ZFR: variants seen among roughly 807,000 people sequenced by gnomAD.
ZFR encodes the protein zinc finger RNA binding protein, also known as zinc finger RNA-binding protein.
A neutral mutation model predicts 130.7 loss-of-function variants in ZFR; 19 were observed. The ratio of observed to expected loss-of-function variants is 0.15; its 90% CI spans 0.10 to 0.21. ZFR has a LOEUF of 0.21. ZFR is among the 10% of genes least tolerant of loss of function. ZFR has a pLI of 1.00. For synonymous variants in ZFR, 466 were observed against 456.9 expected (o/e 1.02, Z -0.25); for missense variants, 872 against 1,321.5 (o/e 0.66, Z 5.27).
chr5:32,415,523 C>T (rs76538435), intron 4 of ZFR, among the ~76,000 whole-genome samples: 3,427 of 132,020 alleles, frequency 0.026, 66 homozygotes, highest in African/African-American at 0.051. Flanking sequence ...TGTGCGCGCG[C>T]GCGCGCGCGC....
At chr5:32,409,068 A>T (rs1753643560) in intron 5 of ZFR, among the ~76,000 whole-genome samples, 1 of 152,176 alleles carries the variant, frequency 6.6e-6, no homozygotes, top group East Asian at 1.9e-4. Flanking sequence ...GAGACCAAAA[A>T]GTTTAATTCT....
At position 32,397,290 on chromosome 5, in the gene ZFR, C is replaced by T; in HGVS notation, c.1762G>A (p.Glu588Lys). Reference sequence around the variant, plus strand: ...GCATTGGGATCATTAAAGCTGCACTCGCATAATTTACAATGGAACCGAATT... The same window carrying T: ...GCATTGGGATCATTAAAGCTGCACTTGCATAATTTACAATGGAACCGAATT... ...KVIRFHCKLCECSFNDPNAKE... is the reference protein window; with the variant it reads ...KVIRFHCKLCKCSFNDPNAKE... Residue 588 changes from glutamate (E) to lysine (K), a missense_variant, in exon 10 of 20, where the codon GAG (glutamate) becomes AAG (lysine). This residue lies in a region of ZFR where 54 missense variants were observed against 119.9 expected (regional missense o/e 0.45). Coordinates refer to ENST00000265069, the MANE Select transcript of ZFR (RefSeq NM_016107.5). 6.2e-7 allele frequency: 1 copy of T among 1,613,354 alleles called. No individual in the cohort carries two copies. The highest frequency in any genetic ancestry group is 8.5e-7 in the Non-Finnish European group (1 of 1,179,662).
At chr5:32,383,753 A>G (rs1414769230) in intron 15 of ZFR, 1 of 456,734 alleles carries the variant, frequency 2.2e-6, no homozygotes, top group Admixed American at 2.3e-5. Context: ...GTGAGAGAGA[A>G]TACATACCGT....
chr5:32,416,446 C>G (rs573793908), intron 4 of ZFR, among the ~76,000 whole-genome samples: 2 of 152,000 alleles, frequency 1.3e-5, no homozygotes, highest in Non-Finnish European at 2.9e-5. Context: ...GAAACCCTGT[C>G]TCTACTAAAA....
At chr5:32,387,749 C>A in intron 13 of ZFR, 50 bp from the exon 14 acceptor site, 3 of 1,533,094 alleles carry the variant, frequency 2.0e-6, no homozygotes, top group Non-Finnish European at 2.7e-6. Context: ...TAACCAGAAG[C>A]ATGATATTCT....
rs1414085690 is a variant in ZFR, at chr5:32,355,378, TTAAAA to T, written c.*377_*381del. 1 of 154,732 alleles carries T rather than the reference TTAAAA, an allele frequency of 6.5e-6. No homozygotes were observed. The highest frequency in any genetic ancestry group is 2.4e-5 in the African/African-American group (1 of 41,548). 9.6% of individuals were successfully genotyped at this position (154,732 alleles called of 1,614,324 possible). ...TCAAAAAGCAAACAAAACCTCTAAA[TTAAAA>T]TATCAAAATACACAGAGCAACTGAA... On this transcript the variant is annotated 3_prime_UTR_variant, in exon 20 of 20. Coordinates refer to ENST00000265069, the MANE Select transcript of ZFR (RefSeq NM_016107.5).
intron 11 of ZFR, among the ~76,000 whole-genome samples, chr5:32,392,015 T>C (rs956606995): frequency 1.3e-5 from 2 of 152,182 alleles, no homozygotes; most frequent in Admixed American, 6.5e-5. Context: ...TTACAGGCAG[T>C]GTGTCACCGT....
intron 17 of ZFR, among the ~76,000 whole-genome samples, chr5:32,377,904 C>T (rs1174484582): frequency 1.3e-5 from 2 of 151,776 alleles, no homozygotes; most frequent in African/African-American, 4.8e-5. Flanking sequence ...GTTGGCCAGG[C>T]TGGTCTCGAA....
At chr5:32,388,202 A>G (rs1328942246) in intron 13 of ZFR, among the ~76,000 whole-genome samples, 1 of 152,218 alleles carries the variant, frequency 6.6e-6, no homozygotes, top group Non-Finnish European at 1.5e-5. Flanking sequence ...CTGTAAAACT[A>G]TAATGGCTGC....
chr5:32,404,634 A>C (rs576151611), intron 6 of ZFR, among the ~76,000 whole-genome samples: 4 of 152,270 alleles, frequency 2.6e-5, no homozygotes, highest in African/African-American at 9.6e-5. Flanking sequence ...TTTAAAATAC[A>C]TGAGGGCCAA....
chr5:32,430,413 GCA>G (rs201757309), intron 2 of ZFR, among the ~76,000 whole-genome samples: 136 of 145,138 alleles, frequency 9.4e-4, no homozygotes, highest in African/African-American at 3.6e-3. Flanking sequence ...TACCCAGAAT[GCA>G]CAGAGAGAGA....
At chr5:32,423,557 C>T (rs1561916244) in intron 2 of ZFR, among the ~76,000 whole-genome samples, 1 of 151,438 alleles carries the variant, frequency 6.6e-6, no homozygotes, top group Admixed American at 6.6e-5. Context: ...GAGAAATAGA[C>T]AAGATAAATA....
At chr5:32,366,146 T>C (rs1752541886) in intron 17 of ZFR, among the ~76,000 whole-genome samples, 1 of 152,166 alleles carries the variant, frequency 6.6e-6, no homozygotes, top group Non-Finnish European at 1.5e-5. Context: ...ATGGAATGAT[T>C]TTGGAAAGAA....
chr5:32,380,340 G>A, intron 15 of ZFR, 168 bp from the exon 16 acceptor site: 20 of 474,440 alleles, frequency 4.2e-5, no homozygotes, highest in South Asian at 1.2e-4. Flanking sequence ...TCCAATATGA[G>A]GAACAAAAGG....
chr5:32,401,942 A>C (rs1201668705), intron 8 of ZFR, among the ~76,000 whole-genome samples: 1 of 152,230 alleles, frequency 6.6e-6, no homozygotes, highest in Non-Finnish European at 1.5e-5. Flanking sequence ...TCCACTTCAG[A>C]AATCTGCAAT....
intron 2 of ZFR, among the ~76,000 whole-genome samples, chr5:32,440,624 G>A (rs1158042520): frequency 6.6e-6 from 1 of 151,560 alleles, no homozygotes; most frequent in East Asian, 1.9e-4. Context: ...TCCAGCCTGG[G>A]TGACAGAAGG....
chr5:32,432,416 C>G (rs896265766), intron 2 of ZFR, among the ~76,000 whole-genome samples: 1 of 152,096 alleles, frequency 6.6e-6, no homozygotes, highest in Non-Finnish European at 1.5e-5. Context: ...TGATGTTGAG[C>G]GTCTTTTCAT....
chr5:32,416,145 C>CT (rs1487056010), intron 4 of ZFR, among the ~76,000 whole-genome samples: 1 of 152,108 alleles, frequency 6.6e-6, no homozygotes, highest in Non-Finnish European at 1.5e-5. Context: ...AAAGATAATA[C>CT]TTTACAGAGA....
At chr5:32,357,678 ATT>A (rs1752344156) in intron 19 of ZFR, among the ~76,000 whole-genome samples, 1 of 152,176 alleles carries the variant, frequency 6.6e-6, no homozygotes. Context: ...GACTTCCTGT[ATT>A]TACAGCCTTC....
Sources: allele counts gnomAD v4.1 joint callset (sites outside exome capture counted in the v4.1 genomes callset), GRCh38; gene constraint gnomAD v4.1.1; regional missense constraint gnomAD v4.1.1; transcripts MANE v1.5; gene names NCBI Gene and HGNC (gene_info 2026-07-23, HGNC 2026-07-21).